The following CCDC171 variants were observed in gnomAD, a reference collection of about 807,000 sequenced individuals.
CCDC171 encodes coiled-coil domain-containing protein 171.
In CCDC171, 177 loss-of-function variants were observed where a neutral mutation model predicts 168.2. That is an observed-to-expected ratio of 1.05 (90% CI 0.93 to 1.19). CCDC171 has a LOEUF of 1.19. CCDC171 is among the 50% of genes most tolerant of loss of function. The probability of loss-of-function intolerance (pLI) is 0.00; values close to 1 mark genes in which losing one functional copy is unlikely to be tolerated. For synonymous variants in CCDC171, 687 were observed against 540.8 expected (o/e 1.27, Z -3.75); for missense variants, 1,991 against 1,539.0 (o/e 1.29, Z -4.91).
intron 8 of CCDC171, among the ~76,000 whole-genome samples, chr9:16,037,339 A>C (rs752805641): frequency 1.3e-5 from 2 of 152,262 alleles, no homozygotes; most frequent in Non-Finnish European, 2.9e-5. Flanking sequence ...CCATGCAATC[A>C]TGAACCAGGC....
chr9:15,683,383 G>A (rs1587940711), intron 10 of CCDC171, among the ~76,000 whole-genome samples: 1 of 151,830 alleles, frequency 6.6e-6, no homozygotes, highest in South Asian at 2.1e-4. Context: ...TGAACTATTA[G>A]GTTTGCTTTA....
chr9:15,700,524 C>T (rs543571862), intron 11 of CCDC171, among the ~76,000 whole-genome samples: 4 of 152,384 alleles, frequency 2.6e-5, no homozygotes, highest in Non-Finnish European at 5.9e-5. Context: ...TCCTTAAGTG[C>T]CGCCAAGGTT....
intron 9 of CCDC171, among the ~76,000 whole-genome samples, chr9:15,677,853 A>C (rs199923809): frequency 3.0e-5 from 2 of 66,990 alleles, no homozygotes; most frequent in Admixed American, 2.1e-4. Context: ...GTGTGTGTGT[A>C]TGTATATATA....
chr9:15,768,012 G>T (rs1355519284), intron 18 of CCDC171, among the ~76,000 whole-genome samples: 5 of 149,950 alleles, frequency 3.3e-5, no homozygotes, highest in Admixed American at 2.7e-4. Flanking sequence ...TAGCATTCTA[G>T]GGGTGAGCCA....
rs533466086 is a variant in CCDC171 at position 15,896,331 on chromosome 9, C to G, written c.3600+21668C>G. ...GAAAACATCATTTAAAAAAAGTCTGCTGCAAAAGTGTTCTGCAACTCTGCT... is the reference window on the plus strand; with the variant it reads ...GAAAACATCATTTAAAAAAAGTCTGGTGCAAAAGTGTTCTGCAACTCTGCT... On this transcript the variant is annotated intron_variant, in intron 24 of 25. Coordinates refer to ENST00000380701, the MANE Select transcript of CCDC171 (RefSeq NM_173550.4). Among the ~76,000 whole-genome samples the G allele has an allele frequency of 1.4e-4, 21 of 152,118 alleles. No individual in the cohort carries two copies. In the South Asian group the frequency reaches 4.1e-3, roughly 30 times the overall value.
At chr9:16,065,770 A>G (rs367744436), downstream of CCDC171, among the ~76,000 whole-genome samples, 5 of 151,118 alleles carry the variant, frequency 3.3e-5, no homozygotes, top group East Asian at 2.0e-4. Context: ...CAGTTTTCCT[A>G]TCTGTGAAAT....
At chr9:15,688,132 AAAAAAAAG>A (rs1263601052) in intron 10 of CCDC171, among the ~76,000 whole-genome samples, 1 of 151,118 alleles carries the variant, frequency 6.6e-6, no homozygotes, top group African/African-American at 2.4e-5. Flanking sequence ...AAAAAAAAAA[AAAAAAAAG>A]AAAGAAAGAA....
intron 24 of CCDC171, among the ~76,000 whole-genome samples, chr9:15,876,361 G>A (rs1187562249): frequency 6.6e-6 from 1 of 152,050 alleles, no homozygotes; most frequent in Non-Finnish European, 1.5e-5. Context: ...CTATGTACCA[G>A]GTACCATGCT....
intron 18 of CCDC171, among the ~76,000 whole-genome samples, chr9:15,772,008 A>G (rs548578204): frequency 5.6e-4 from 85 of 152,072 alleles, no homozygotes; most frequent in Admixed American, 1.8e-3. Context: ...AATTTTTTGT[A>G]TTTTTAGTAG....
At chr9:15,854,386 T>C (rs2061266361) in intron 23 of CCDC171, among the ~76,000 whole-genome samples, 1 of 151,646 alleles carries the variant, frequency 6.6e-6, no homozygotes, top group Admixed American at 6.6e-5. Flanking sequence ...GATATCCCAT[T>C]GCTCATTTTC....
At chr9:15,696,723 C>T (rs1176189785) in intron 11 of CCDC171, among the ~76,000 whole-genome samples, 2 of 152,228 alleles carry the variant, frequency 1.3e-5, no homozygotes, top group East Asian at 1.9e-4. Flanking sequence ...GGTCATGTCT[C>T]GTTTGAGTTT....
At chr9:15,628,578 G>T (rs1165303977) in intron 7 of CCDC171, among the ~76,000 whole-genome samples, 3 of 152,242 alleles carry the variant, frequency 2.0e-5, no homozygotes, top group Admixed American at 1.3e-4. Context: ...GCCTGCCTCT[G>T]TAGGCTCCAC....
intron 11 of CCDC171, among the ~76,000 whole-genome samples, chr9:15,698,520 CAA>C (rs35301658): frequency 0.048 from 5,118 of 107,000 alleles, 311 homozygotes; most frequent in African/African-American, 0.15. Flanking sequence ...GACCCCGTCT[CAA>C]AAAAAAAAAA....
At chr9:15,568,024 T>G (rs922238949) in intron 2 of CCDC171, among the ~76,000 whole-genome samples, 5 of 151,900 alleles carry the variant, frequency 3.3e-5, no homozygotes, top group African/African-American at 1.2e-4. Flanking sequence ...CTTAATTTTG[T>G]TTTTGGATTG....
intron 6 of CCDC171, among the ~76,000 whole-genome samples, chr9:15,620,735 C>T (rs1314445121): frequency 6.6e-6 from 1 of 152,202 alleles, no homozygotes; most frequent in Non-Finnish European, 1.5e-5. Flanking sequence ...AGCAGCATTG[C>T]ATGCTACAGA....
chr9:15,672,563 T>G (rs2049198609), intron 9 of CCDC171, among the ~76,000 whole-genome samples: 1 of 152,242 alleles, frequency 6.6e-6, no homozygotes, highest in Admixed American at 6.5e-5. Context: ...TTCAGCTTTC[T>G]GCATATGGCT....
chr9:16,083,974 G>C, the CCDC171 span, among the ~76,000 whole-genome samples: 2 of 152,202 alleles, frequency 1.3e-5, no homozygotes, highest in South Asian at 4.2e-4. Context: ...AGTCGATTTT[G>C]CTAAGATAAG....
In CCDC171 at chr9:15,661,288, A is replaced by AC. The variant is rs1440151467; in HGVS notation, c.915+4069_915+4070insC. ...GAGCGAGACTCCGTCTCAAAAAAAA[A>AC]AAAAAAAAAAAAGTAACATGCTGTT... On this transcript the variant is annotated intron_variant, in intron 8 of 25. Transcript: ENST00000380701. 1.9e-4 allele frequency among the ~76,000 whole-genome samples: 19 copies of AC among 99,266 alleles called. 2 individuals are homozygous for AC. Among genetic ancestry groups the AC allele is most frequent in the South Asian group, 9.3e-4 (2 of 2,162 alleles). 65.1% of individuals were successfully genotyped at this position (99,266 alleles called of 152,430 possible).
chr9:15,555,747 A>C (rs1321608176), intron 1 of CCDC171, among the ~76,000 whole-genome samples: 1 of 152,168 alleles, frequency 6.6e-6, no homozygotes, highest in Admixed American at 6.5e-5. Flanking sequence ...GGTTTGTTAC[A>C]TATGCATACA....
Sources: allele counts gnomAD v4.1 joint callset (sites outside exome capture counted in the v4.1 genomes callset), GRCh38; gene constraint gnomAD v4.1.1; transcripts MANE v1.5; gene names NCBI Gene and HGNC (gene_info 2026-07-23, HGNC 2026-07-21).